The following MCTP1 variants were observed in gnomAD, a reference collection of about 807,000 sequenced individuals.
The protein encoded by MCTP1 is multiple C2 and transmembrane domain containing 1.
MCTP1 carries 69 observed loss-of-function variants against 120.6 expected under a neutral mutation model. That is an observed-to-expected ratio of 0.57 (90% CI 0.47 to 0.70). MCTP1 has a LOEUF of 0.70. Ranked by LOEUF, MCTP1 falls within the 30% of genes least tolerant of loss-of-function variation. The pLI is 0.00. For synonymous variants in MCTP1, 529 were observed against 493.1 expected (o/e 1.07, Z -0.96); for missense variants, 1,203 against 1,248.8 (o/e 0.96, Z 0.55).
chr5:94,829,497 G>A (rs983567119), intron 17 of MCTP1, among the ~76,000 whole-genome samples: 3 of 152,102 alleles, frequency 2.0e-5, no homozygotes, highest in Non-Finnish European at 2.9e-5. Flanking sequence ...AGATGCTCAC[G>A]ATCACATAGC....
At chr5:95,047,745 C>G (rs1744927607) in intron 1 of MCTP1, among the ~76,000 whole-genome samples, 1 of 152,032 alleles carries the variant, frequency 6.6e-6, no homozygotes, top group Non-Finnish European at 1.5e-5. Flanking sequence ...TACCAAACAG[C>G]CCACCTATTC....
At chr5:94,872,258 C>G (rs957468565) in intron 13 of MCTP1, among the ~76,000 whole-genome samples, 1 of 152,006 alleles carries the variant, frequency 6.6e-6, no homozygotes, top group Non-Finnish European at 1.5e-5. Flanking sequence ...TGATAATAAT[C>G]AAACCTATTC....
chr5:94,988,597 G>GTT lies in MCTP1; in HGVS notation c.838+28768_838+28769dup, dbSNP rs752489135. ...TGGCATTTAATAATTCCCTGTGTGT[G>GTT]TTTTTTTTTTTTTTTTTTTGGTACT... On this transcript the variant is annotated intron_variant, in intron 2 of 22. Coordinates refer to ENST00000515393, the MANE Select transcript of MCTP1 (RefSeq NM_024717.7). Among the ~76,000 whole-genome samples the GTT allele has an allele frequency of 5.8e-3, 684 of 117,378 alleles. 7 individuals are homozygous for GTT. Among genetic ancestry groups the GTT allele is most frequent in the Middle Eastern group, 0.015 (3 of 200 alleles). The allele number at this position is 117,378 out of a possible 152,430, so 77.0% of individuals were successfully genotyped here. A position where few individuals can be genotyped will look rare whatever the true frequency, so the allele number is the denominator to read the frequency against.
chr5:95,226,513 T>C (rs1415546845), intron 1 of MCTP1, among the ~76,000 whole-genome samples: 1 of 152,074 alleles, frequency 6.6e-6, no homozygotes, highest in Non-Finnish European at 1.5e-5. Context: ...TGGCCACACA[T>C]CCACTGCCAA....
chr5:95,123,916 T>A (rs1420203675), intron 1 of MCTP1, among the ~76,000 whole-genome samples: 3 of 152,188 alleles, frequency 2.0e-5, no homozygotes, highest in Non-Finnish European at 4.4e-5. Context: ...CTCAAAGTGC[T>A]AGGATTACAG....
At chr5:95,025,096 C>A (rs1165866951) in intron 1 of MCTP1, among the ~76,000 whole-genome samples, 1 of 152,070 alleles carries the variant, frequency 6.6e-6, no homozygotes, top group Admixed American at 6.6e-5. Flanking sequence ...TCATAGACAA[C>A]CCTGAATGAC....
chr5:94,714,670 C>T, intron 20 of MCTP1, 107 bp downstream of exon 20: 1 of 761,950 alleles, frequency 1.3e-6, no homozygotes, highest in Admixed American at 1.9e-5. Flanking sequence ...ATAGAGCACC[C>T]AGAAGGAGTG....
chr5:94,941,634 CACAGTTCCCTTTGCA>C (rs923680741), intron 4 of MCTP1, among the ~76,000 whole-genome samples: 2 of 152,048 alleles, frequency 1.3e-5, no homozygotes, highest in African/African-American at 4.8e-5. Context: ...AAGAAGGTTT[CACAGTTCCCTTTGCA>C]ACCTATTTCA....
rs1340054116 is a variant in MCTP1, at chr5:95,142,248, T to C, written c.721-124764A>G. On this transcript the variant is annotated intron_variant, in intron 1 of 22. Transcript: ENST00000515393. ...TCATTGTCTCCAGAAAAAAACACCA[T>C]GTAATTCTCCAAATTGCCAAGTCTC... Among the ~76,000 whole-genome samples, 5 of 152,196 alleles carry C rather than the reference T, an allele frequency of 3.3e-5. No individual in the cohort carries two copies. The East Asian group carries it at 5.8e-4, about 18-fold the overall frequency.
At chr5:95,160,163 A>C (rs1035153893) in intron 1 of MCTP1, among the ~76,000 whole-genome samples, 4 of 152,222 alleles carry the variant, frequency 2.6e-5, no homozygotes, top group African/African-American at 9.6e-5. Context: ...CAAAGGAGTG[A>C]TATGATTAGA....
rs1211529200 is a variant in MCTP1 at position 94,912,466 on chromosome 5, A to AAAAAAAAAAAAAAAAAAAAAAAAAAAG, written c.1521+339_1521+340insCTTTTTTTTTTTTTTTTTTTTTTTTTT. The stretch of plus-strand genomic sequence containing the variant: ...AAAAAAAAAAAAAAAAAAAAAAAAA[A>AAAAAAAAAAAAAAAAAAAAAAAAAAAG]GCCGCACTCTGAGTACTTTATGTGC... On this transcript the variant is annotated intron_variant, in intron 9 of 22. Transcript: ENST00000515393. 5.4e-5 allele frequency among the ~76,000 whole-genome samples: 5 copies of AAAAAAAAAAAAAAAAAAAAAAAAAAAG among 92,038 alleles called. 1 individual carries two copies. The highest frequency in any genetic ancestry group is 7.5e-5 in the African/African-American group (2 of 26,702). 60.4% of individuals were successfully genotyped at this position (92,038 alleles called of 152,430 possible).
intron 1 of MCTP1, among the ~76,000 whole-genome samples, chr5:95,019,034 AAGAT>A (rs1837679863): frequency 6.6e-6 from 1 of 152,104 alleles, no homozygotes; most frequent in Admixed American, 6.6e-5. Flanking sequence ...GTTTTAAACA[AAGAT>A]AGTATTCTAT....
chr5:94,949,665 CT>C (rs898840729), intron 3 of MCTP1, among the ~76,000 whole-genome samples: 28 of 152,054 alleles, frequency 1.8e-4, no homozygotes, highest in African/African-American at 6.5e-4. Flanking sequence ...AATTTTTACA[CT>C]GATAGAAATC....
chr5:94,906,385 C>T (rs1581276038), intron 10 of MCTP1, among the ~76,000 whole-genome samples: 1 of 152,090 alleles, frequency 6.6e-6, no homozygotes, highest in East Asian at 1.9e-4. Flanking sequence ...ACTCAGGAGG[C>T]TGAGGTGGGA....
rs1444583110 is a variant in MCTP1 at position 95,284,888 on chromosome 5, CCG to C, written c.-315_-314del. Among the ~76,000 whole-genome samples the C allele has an allele frequency of 3.3e-5, 5 of 152,126 alleles. No homozygotes were observed. Among genetic ancestry groups the C allele is most frequent in the Non-Finnish European group, 5.9e-5 (4 of 68,002 alleles). On this transcript the variant is annotated 5_prime_UTR_variant, in exon 1 of 23. Coordinates refer to ENST00000515393, the MANE Select transcript of MCTP1 (RefSeq NM_024717.7). The surrounding 1 kb of genome is among the most constrained non-coding windows in gnomAD (Gnocchi z 5.2). ...CCTGCAAAGTTTTTCCCTCGAAGCT[CCG>C]CGGCTCCAGTCCACTGGCGTCCCCC...
At chr5:94,922,009 G>T (rs1811777168) in intron 7 of MCTP1, among the ~76,000 whole-genome samples, 3 of 152,086 alleles carry the variant, frequency 2.0e-5, no homozygotes, top group Admixed American at 2.0e-4. Context: ...ATGCCATCTG[G>T]GTACCTCAAG....
At chr5:94,740,698 T>A (rs1765323335) in intron 19 of MCTP1, among the ~76,000 whole-genome samples, 2 of 152,168 alleles carry the variant, frequency 1.3e-5, no homozygotes, top group Admixed American at 1.3e-4. Context: ...ATTTGGTCAG[T>A]CGGTCCATAT....
chr5:95,103,441 T>C (rs535709774), intron 1 of MCTP1, among the ~76,000 whole-genome samples: 82 of 152,200 alleles, frequency 5.4e-4, no homozygotes, highest in African/African-American at 1.8e-3. Context: ...CAAAATATGA[T>C]GTGCAAGGGA....
intron 19 of MCTP1, among the ~76,000 whole-genome samples, chr5:94,737,545 A>G (rs1257862700): frequency 3.9e-5 from 6 of 152,234 alleles, no homozygotes; most frequent in African/African-American, 1.4e-4. Flanking sequence ...TTTTGTTTCA[A>G]TAACTCCAAT....
Sources: allele counts gnomAD v4.1 joint callset (sites outside exome capture counted in the v4.1 genomes callset), GRCh38; gene constraint gnomAD v4.1.1; non-coding constraint Gnocchi (gnomAD v3.1); transcripts MANE v1.5; gene names NCBI Gene and HGNC (gene_info 2026-07-23, HGNC 2026-07-21).